MCF2L2: variants seen among roughly 807,000 people sequenced by gnomAD.
MCF2L2 encodes probable guanine nucleotide exchange factor MCF2L2.
MCF2L2 carries 102 observed loss-of-function variants against 150.2 expected under a neutral mutation model. That is an observed-to-expected ratio of 0.68 (90% CI 0.58 to 0.80). The LOEUF is 0.80. Ranked by LOEUF, MCF2L2 falls within the 30% of genes least tolerant of loss-of-function variation. The pLI is 0.00. For missense variants in MCF2L2, 1,256 were observed against 1,372.8 expected (o/e 0.91, Z 1.34); for synonymous variants, 465 against 491.3 (o/e 0.95, Z 0.71).
chr3:183,395,935 A>AG (rs1553794479), intron 1 of MCF2L2, among the ~76,000 whole-genome samples: 17 of 99,102 alleles, frequency 1.7e-4, no homozygotes, highest in African/African-American at 3.0e-4. Context: ...AAAAAAAAAA[A>AG]AAAGAAAGAA....
At chr3:183,426,074 G>C (rs1469600529) in intron 1 of MCF2L2, among the ~76,000 whole-genome samples, 1 of 152,210 alleles carries the variant, frequency 6.6e-6, no homozygotes, top group African/African-American at 2.4e-5. Flanking sequence ...TGAGGAGACA[G>C]AATCTTGCAA....
chr3:183,368,934 T>C (rs1002985544), intron 3 of MCF2L2, among the ~76,000 whole-genome samples: 4 of 152,180 alleles, frequency 2.6e-5, no homozygotes, highest in Admixed American at 1.3e-4. Flanking sequence ...ATGAAATTCA[T>C]AAAGATTATT....
At position 183,283,143 on chromosome 3, in the gene MCF2L2, A is replaced by C. The variant is rs1411232744; in HGVS notation, c.1776+5977T>G. On this transcript the variant is annotated intron_variant, in intron 14 of 29. Coordinates refer to ENST00000328913, the MANE Select transcript of MCF2L2 (RefSeq NM_015078.4). This position sits in a 1 kb window ranked among gnomAD's most constrained non-coding sequence, Gnocchi z 4.2. Reference sequence around the variant, plus strand: ...CTTCATTCTACACATTTTCTCTGATAGTCGTGTTCTAGCCACTAGGGAGAA... The same window carrying C: ...CTTCATTCTACACATTTTCTCTGATCGTCGTGTTCTAGCCACTAGGGAGAA... Among the ~76,000 whole-genome samples the C allele has an allele frequency of 6.6e-6, 1 of 152,122 alleles. No individual in the cohort carries two copies. The highest frequency in any genetic ancestry group is 2.4e-5 in the African/African-American group (1 of 41,424).
intron 13 of MCF2L2, among the ~76,000 whole-genome samples, chr3:183,289,899 T>G (rs137945271): frequency 1.5e-3 from 227 of 152,322 alleles, no homozygotes; most frequent in East Asian, 9.5e-3. Flanking sequence ...ACTTTCCTCA[T>G]GAAGTCTTCC....
intron 3 of MCF2L2, among the ~76,000 whole-genome samples, chr3:183,371,465 CTTTTTT>C (rs56835227): frequency 2.4e-5 from 3 of 126,046 alleles, no homozygotes; most frequent in Admixed American, 8.0e-5. Flanking sequence ...TCTGAGAAGC[CTTTTTT>C]TTTTTTTTTT....
intron 1 of MCF2L2, among the ~76,000 whole-genome samples, chr3:183,426,830 C>T (rs575786820): frequency 6.6e-6 from 1 of 152,324 alleles, no homozygotes; most frequent in Non-Finnish European, 1.5e-5. Flanking sequence ...TTTTTCTAAA[C>T]TTGAATTATC....
chr3:183,417,218 G>A (rs1242633920), intron 1 of MCF2L2, among the ~76,000 whole-genome samples: 2 of 151,240 alleles, frequency 1.3e-5, no homozygotes, highest in Non-Finnish European at 2.9e-5. Context: ...TTTTATAAAA[G>A]GGACTTGAGC....
At position 183,311,764 on chromosome 3, in the gene MCF2L2, C is replaced by T; in HGVS notation, c.762G>A (p.Leu254=). ...TGGTCCCCTGCTTTCCAAGTAATTT[C>T]AGCTCATCCTAGAAAATAAAAGTAG... ...TRQRDKLQDE[L]KLLGKQGTTL... The change falls in exon 8 of 30, where the codon CTG becomes CTA. Residue 254 remains leucine, a synonymous_variant. Transcript: ENST00000328913. The T allele has an allele frequency of 6.2e-7, 1 of 1,613,430 alleles. No homozygotes were observed. Among genetic ancestry groups the T allele is most frequent in the Non-Finnish European group, 8.5e-7 (1 of 1,179,800 alleles).
chr3:183,304,115 TCACCTTCTC>T (rs1728984338), intron 10 of MCF2L2, among the ~76,000 whole-genome samples: 1 of 152,214 alleles, frequency 6.6e-6, no homozygotes, highest in South Asian at 2.1e-4. Flanking sequence ...ATTTCAGACT[TCACCTTCTC>T]CAGAAAACTT....
In MCF2L2 at chr3:183,427,995, C is replaced by G. The variant is rs1182410011; in HGVS notation, c.-18G>C. On this transcript the variant is annotated 5_prime_UTR_variant, in exon 1 of 30. Transcript: ENST00000328913. The stretch of plus-strand genomic sequence containing the variant: ...GACAGCATTTCACTGAAAAACCATT[C>G]CGTATAAATAAAGCCAAACAAAACT... The G allele has an allele frequency of 6.2e-7, 1 of 1,601,562 alleles. No individual in the cohort carries two copies. The highest frequency in any genetic ancestry group is 8.6e-7 in the Non-Finnish European group (1 of 1,168,796).
chr3:183,327,897 G>A (rs1366824244), intron 5 of MCF2L2, among the ~76,000 whole-genome samples: 1 of 152,164 alleles, frequency 6.6e-6, no homozygotes, highest in African/African-American at 2.4e-5. Flanking sequence ...TTGAGTGATA[G>A]GAGTATCTTG....
chr3:183,223,328 CTG>C lies in MCF2L2; in HGVS notation c.2301+16_2301+17del. On this transcript the variant is annotated intron_variant, in intron 20 of 29. Coordinates refer to ENST00000328913, the MANE Select transcript of MCF2L2 (RefSeq NM_015078.4). ...TCTGGTTTCCCACCAAGGAAAAGCA[CTG>C]TCTCATTGATTTTACCTTCAACAGC... The C allele has an allele frequency of 6.3e-7, 1 of 1,587,012 alleles. No homozygotes were observed. Among genetic ancestry groups the C allele is most frequent in the South Asian group, 1.1e-5 (1 of 90,550 alleles).
At chr3:183,290,619 C>T (rs767997994) in intron 13 of MCF2L2, among the ~76,000 whole-genome samples, 4 of 151,964 alleles carry the variant, frequency 2.6e-5, no homozygotes, top group South Asian at 2.1e-4. Context: ...CTGCAACCTC[C>T]GCCTCCCAGG....
chr3:183,409,190 G>A (rs1342683409), intron 1 of MCF2L2, among the ~76,000 whole-genome samples: 3 of 152,134 alleles, frequency 2.0e-5, no homozygotes, highest in Non-Finnish European at 4.4e-5. Flanking sequence ...CTTTTCGAGT[G>A]GCTCATAAAA....
intron 1 of MCF2L2, among the ~76,000 whole-genome samples, chr3:183,425,170 T>C (rs553053728): frequency 6.6e-6 from 1 of 150,894 alleles, no homozygotes; most frequent in Non-Finnish European, 1.5e-5. Context: ...GGGATGGACA[T>C]GAGGAAAGAA....
At chr3:183,224,022 G>T in intron 19 of MCF2L2, 76 bp downstream of exon 19, 1 of 1,064,294 alleles carries the variant, frequency 9.4e-7, no homozygotes. Flanking sequence ...CCTCTCCCTA[G>T]TCCCACTTTT....
intron 15 of MCF2L2, among the ~76,000 whole-genome samples, chr3:183,262,681 T>C (rs1725726611): frequency 6.6e-6 from 1 of 150,796 alleles, no homozygotes; most frequent in Non-Finnish European, 1.5e-5. Context: ...GTCTCCTCCT[T>C]TCTCTAGGAA....
chr3:183,179,375 G>A lies in MCF2L2; in HGVS notation c.*5C>T, dbSNP rs1225026307. On this transcript the variant is annotated 3_prime_UTR_variant, in exon 30 of 30. Coordinates refer to ENST00000328913, the MANE Select transcript of MCF2L2 (RefSeq NM_015078.4). This position sits in a 1 kb window ranked among gnomAD's most constrained non-coding sequence, Gnocchi z 4.2. ...AGCCGAGGAGCGGGGGCGTCCGCAG[G>A]GAGGTCAGCTCTCCTGGGCGGAGGT... 1 of 1,467,830 alleles carries A rather than the reference G, an allele frequency of 6.8e-7. No homozygotes were observed. Among genetic ancestry groups the A allele is most frequent in the East Asian group, 2.6e-5 (1 of 37,962 alleles). The allele number at this position is 1,467,830 out of a possible 1,614,324, so 90.9% of individuals were successfully genotyped here.
At chr3:183,332,073 G>A (rs1323067647) in intron 5 of MCF2L2, among the ~76,000 whole-genome samples, 1 of 152,134 alleles carries the variant, frequency 6.6e-6, no homozygotes, top group Non-Finnish European at 1.5e-5. Flanking sequence ...TAATATAAGA[G>A]AGGCTAGGAA....
Sources: allele counts gnomAD v4.1 joint callset (sites outside exome capture counted in the v4.1 genomes callset), GRCh38; gene constraint gnomAD v4.1.1; non-coding constraint Gnocchi (gnomAD v3.1); transcripts MANE v1.5; gene names NCBI Gene and HGNC (gene_info 2026-07-23, HGNC 2026-07-21).